The following TRAF3IP3 variants were observed in gnomAD, a reference collection of about 807,000 sequenced individuals.
TRAF3IP3 encodes the protein TRAF3-interacting JNK-activating modulator.
In TRAF3IP3, 64 loss-of-function variants were observed where a neutral mutation model predicts 86.5. The observed-to-expected ratio is 0.74, with a 90% CI of 0.60 to 0.91. The LOEUF is 0.91. Among genes scored for constraint, TRAF3IP3 ranks in the 40% least tolerant of loss-of-function variants. The probability of loss-of-function intolerance (pLI) is 0.00; values close to 1 mark genes in which losing one functional copy is unlikely to be tolerated. For synonymous variants in TRAF3IP3, 220 were observed against 243.9 expected, an observed-to-expected ratio of 0.90 and a Z score of 0.91; for missense variants, 579 against 642.9, an observed-to-expected ratio of 0.90 and a Z score of 1.07.
At chr1:209,762,446 G>T (rs374883348) in intron 3 of TRAF3IP3, 69 bp from the exon 4 acceptor site, 3 of 1,392,430 alleles carry the variant, frequency 2.2e-6, no homozygotes, top group Admixed American at 2.7e-5. Context: ...TCTTCCTTCC[G>T]AAATCATCAG....
chr1:209,768,296 A>G, intron 8 of TRAF3IP3: 1 of 985,340 alleles, frequency 1.0e-6, no homozygotes, highest in Non-Finnish European at 1.2e-6. Flanking sequence ...CGCTGGCTTC[A>G]CCTCCGGATG....
At chr1:209,766,261 T>C (rs959811647) in intron 8 of TRAF3IP3, among the ~76,000 whole-genome samples, 18 of 152,218 alleles carry the variant, frequency 1.2e-4, no homozygotes, top group African/African-American at 4.3e-4. Flanking sequence ...GAGCAGGAAC[T>C]TGGGGCAGAC....
intron 8 of TRAF3IP3, among the ~76,000 whole-genome samples, chr1:209,765,407 C>T (rs2077338901): frequency 6.6e-6 from 1 of 152,120 alleles, no homozygotes; most frequent in African/African-American, 2.4e-5. Context: ...TGGTTCACAC[C>T]TGTAATCCCA....
Position 209,768,570 on chromosome 1 carries a change from T to C in TRAF3IP3, c.703-4378T>C, listed in dbSNP as rs1028406184. On this transcript the variant is annotated intron_variant, in intron 8 of 16. Transcript: ENST00000367025. ...GAGATGAGCTGTGGGCTGGTGCTTC[T>C]GTGGTGAGGTGGTGGTGTTTCTGGA... is the stretch of plus-strand genomic sequence containing the variant. 12 of 985,698 alleles carry C rather than the reference T, an allele frequency of 1.2e-5. No homozygotes were observed. The East Asian group carries it at 1.1e-3, about 93-fold the overall frequency. 61.1% of individuals were successfully genotyped at this position (985,698 alleles called of 1,614,324 possible).
At chr1:209,777,746 A>C in intron 12 of TRAF3IP3, 1 of 504,168 alleles carries the variant, frequency 2.0e-6, no homozygotes. Flanking sequence ...GGGCCAGATC[A>C]CAGCTGCTCC....
At chr1:209,766,381 A>C (rs2077357404) in intron 8 of TRAF3IP3, among the ~76,000 whole-genome samples, 2 of 152,242 alleles carry the variant, frequency 1.3e-5, no homozygotes, top group South Asian at 4.1e-4. Context: ...CTTGTGCTAC[A>C]GGGGCAAAGA....
chr1:209,779,583 G>A, intron 14 of TRAF3IP3: 4 of 675,794 alleles, frequency 5.9e-6, no homozygotes, highest in Non-Finnish European at 1.1e-5. Flanking sequence ...TATAAACTGT[G>A]AAAAAGGGTT....
At position 209,760,270 on chromosome 1, in the gene TRAF3IP3, C is replaced by A; in HGVS notation, c.231C>A (p.Gly77=). 1 of 1,614,222 alleles carries A rather than the reference C, an allele frequency of 6.2e-7. No individual in the cohort carries two copies. Among genetic ancestry groups the A allele is most frequent in the Non-Finnish European group, 8.5e-7 (1 of 1,180,036 alleles). Residue 77 remains glycine (G), a synonymous_variant, in exon 3 of 17, where the codon GGC becomes GGA. Transcript: ENST00000367025. ...RRRNLELEEK[G]KAQHPQAREQ... ...GGAACCTGGAGCTAGAGGAGAAGGGCAAAGCGCAGCATCCCCAGGCCAGGG... is the reference window on the plus strand; with the variant it reads ...GGAACCTGGAGCTAGAGGAGAAGGGAAAAGCGCAGCATCCCCAGGCCAGGG...
At position 209,775,412 on chromosome 1, in the gene TRAF3IP3, G is replaced by A. The variant is rs372989473; in HGVS notation, c.838G>A (p.Glu280Lys). Residue 280 changes from glutamate (E) to lysine (K), a missense_variant, in exon 10 of 17, where the codon GAG (glutamate) becomes AAG (lysine). By Grantham distance (56) the Glu-to-Lys change is moderately conservative. Coordinates refer to ENST00000367025, the MANE Select transcript of TRAF3IP3 (RefSeq NM_025228.4). ...LEMEDQKNSY[E>K]QKAKESLQKV... ...GATGGAAGACCAGAAAAACAGCTAT[G>A]AGCAGAAGGCCAAGGAGTCACTGCA... is the stretch of plus-strand genomic sequence containing the variant. The A allele has an allele frequency of 1.9e-6, 3 of 1,614,090 alleles. No individual in the cohort carries two copies. Among genetic ancestry groups the A allele is most frequent in the African/African-American group, 2.7e-5 (2 of 74,936 alleles).
chr1:209,770,775 A>AGG (rs2077469263), intron 8 of TRAF3IP3, among the ~76,000 whole-genome samples: 14 of 59,340 alleles, frequency 2.4e-4, no homozygotes, highest in South Asian at 2.0e-3. Context: ...GCGTGTGCCT[A>AGG]TGGAGGTGTG....
Position 209,760,200 on chromosome 1 carries a change from G to A in TRAF3IP3, c.161G>A (p.Arg54Lys), listed in dbSNP as rs1192320888. 1 of 1,614,254 alleles carries A rather than the reference G, an allele frequency of 6.2e-7. No individual in the cohort carries two copies. Among genetic ancestry groups the A allele is most frequent in the Middle Eastern group, 1.6e-4 (1 of 6,062 alleles). Residue 54 changes from arginine to lysine, a missense_variant, in exon 3 of 17, where the codon AGA becomes AAA. Transcript: ENST00000367025. ...QVGKTLRIQQ[R>K]EQLQRARLQQ... The stretch of plus-strand genomic sequence containing the variant: ...GGGAAGACGCTGAGGATCCAACAGA[G>A]AGAGCAGCTCCAGAGAGCTCGACTG...
At chr1:209,778,316 G>A (rs913168515) in intron 13 of TRAF3IP3, 143 bp downstream of exon 13, 2 of 617,380 alleles carry the variant, frequency 3.2e-6, no homozygotes, top group African/African-American at 1.9e-5. Context: ...TTCTTGTAAA[G>A]TGAGGTCATT....
In TRAF3IP3 at chr1:209,763,011, C is replaced by T. The variant is rs559864017; in HGVS notation, c.552-57C>T. On this transcript the variant is annotated intron_variant, in intron 5 of 16. Coordinates refer to ENST00000367025, the MANE Select transcript of TRAF3IP3 (RefSeq NM_025228.4). ...CTCTTCAGAAGGAATCAACCCACTG[C>T]CTCCTGACTTGATTCTTTGGTCCAT... The T allele has an allele frequency of 2.5e-6, 4 of 1,596,586 alleles. No individual in the cohort carries two copies. In the East Asian group the frequency reaches 8.9e-5, roughly 36 times the overall value.
At chr1:209,779,408 T>C (rs567499065) in intron 14 of TRAF3IP3, 34 bp downstream of exon 14, 17 of 1,587,114 alleles carry the variant, frequency 1.1e-5, no homozygotes, top group Admixed American at 3.3e-5. Context: ...TTCTAAGATA[T>C]TGCTCTTCTC....
chr1:209,780,448 A>C, intron 14 of TRAF3IP3, 22 bp from the exon 15 acceptor site: 1 of 1,537,436 alleles, frequency 6.5e-7, no homozygotes, highest in South Asian at 1.2e-5. Context: ...CACTGTCACC[A>C]AGAATCTGGC....
intron 1 of TRAF3IP3, among the ~76,000 whole-genome samples, chr1:209,757,034 G>A (rs1021317299): frequency 1.6e-4 from 25 of 152,274 alleles, no homozygotes; most frequent in Admixed American, 9.8e-4. Flanking sequence ...CCTGTCAGCC[G>A]TCCCACATAC....
chr1:209,773,472 G>A (rs1272537177), intron 9 of TRAF3IP3, among the ~76,000 whole-genome samples: 1 of 152,220 alleles, frequency 6.6e-6, no homozygotes, highest in East Asian at 1.9e-4. Context: ...CTGGAAGAAT[G>A]TAAAAGCTCT....
chr1:209,776,184 T>C (rs1390445755), intron 11 of TRAF3IP3: 3 of 155,964 alleles, frequency 1.9e-5, no homozygotes, highest in Non-Finnish European at 4.3e-5. Context: ...GCAATTACAA[T>C]TAGATTCTTG....
chr1:209,778,284 C>T, intron 13 of TRAF3IP3, 111 bp downstream of exon 13: 1 of 766,908 alleles, frequency 1.3e-6, no homozygotes, highest in Non-Finnish European at 2.2e-6. Context: ...TATGCTCTAA[C>T]TCTGTGCACT....
Sources: gnomAD v4.1 joint callset for allele counts (sites outside exome capture counted in the v4.1 genomes callset) on GRCh38, gnomAD v4.1.1 for gene constraint, MANE v1.5 for transcripts, NCBI Gene and HGNC (gene_info 2026-07-23, HGNC 2026-07-21) for gene names.